The following GARIN3 variants were observed in gnomAD, a reference collection of about 807,000 sequenced individuals.
GARIN3 encodes golgi associated RAB2 interactor family member 3, also known as Golgi-associated RAB2 interactor protein 3.
chr5:157,164,856 A>AG, the GARIN3 span, among the ~76,000 whole-genome samples: 1 of 151,998 alleles, frequency 6.6e-6, no homozygotes, highest in African/African-American at 2.4e-5. Context: ...ACTAAAAAAA[A>AG]AAAAATTATA....
the GARIN3 span, among the ~76,000 whole-genome samples, chr5:157,164,411 C>T: frequency 1.3e-5 from 2 of 152,154 alleles, no homozygotes; most frequent in African/African-American, 4.8e-5. Context: ...CTTGGCCTCT[C>T]AAAGTGCTGG....
chr5:157,162,137 T>C, the GARIN3 span: 1 of 385,076 alleles, frequency 2.6e-6, no homozygotes, highest in South Asian at 3.7e-5. Flanking sequence ...AGTCTGTGGC[T>C]TTGACAGTCT....
chr5:157,164,982 G>A, the GARIN3 span, among the ~76,000 whole-genome samples: 2 of 152,154 alleles, frequency 1.3e-5, no homozygotes, highest in Non-Finnish European at 2.9e-5. Context: ...TCGTGCCATT[G>A]CACTCCAGCC....
the GARIN3 span, chr5:157,165,439 G>A: frequency 2.1e-6 from 3 of 1,445,866 alleles, no homozygotes; most frequent in Non-Finnish European, 1.8e-6. Flanking sequence ...TTGGTCCTGA[G>A]CCCTTGCACA....
At chr5:157,165,058 G>A in the GARIN3 span, among the ~76,000 whole-genome samples, 1,232 of 152,154 alleles carry the variant, frequency 8.1e-3, 14 homozygotes, top group African/African-American at 0.028. Context: ...GTCTCCAGTT[G>A]CACATTGGAG....
the GARIN3 span, chr5:157,162,239 T>C: frequency 7.1e-6 from 5 of 707,082 alleles, no homozygotes; most frequent in African/African-American, 7.2e-5. Flanking sequence ...GCCTGGAGGC[T>C]GGGGTCTCCA....
the GARIN3 span, chr5:157,163,339 A>G: frequency 2.7e-5 from 44 of 1,614,118 alleles, no homozygotes; most frequent in East Asian, 8.9e-4. Flanking sequence ...CGCTGTGGTC[A>G]CTTGACCTGG....
chr5:157,162,631 G>C, the GARIN3 span: 1 of 1,614,126 alleles, frequency 6.2e-7, no homozygotes, highest in Non-Finnish European at 8.5e-7. Context: ...TTTTGAACCA[G>C]GAGTGGCCCT....
At chr5:157,162,851 C>G in the GARIN3 span, 41 of 1,614,068 alleles carry the variant, frequency 2.5e-5, no homozygotes, top group Non-Finnish European at 3.4e-5. Context: ...TTTTTATGGC[C>G]AGATGCGGAC....
chr5:157,163,928 A>G, the GARIN3 span, among the ~76,000 whole-genome samples: 1 of 152,092 alleles, frequency 6.6e-6, no homozygotes, highest in Non-Finnish European at 1.5e-5. Flanking sequence ...AGGATGGCGC[A>G]TGCCTGTAAT....
the GARIN3 span, chr5:157,162,960 C>CTTCT: frequency 6.2e-7 from 1 of 1,614,138 alleles, no homozygotes; most frequent in Non-Finnish European, 8.5e-7. Flanking sequence ...GATGTCTGTC[C>CTTCT]TTCTTTTCTC....
At chr5:157,163,558 C>T in the GARIN3 span, 1 of 1,614,050 alleles carries the variant, frequency 6.2e-7, no homozygotes, top group African/African-American at 1.3e-5. Flanking sequence ...ATGTTGGATT[C>T]CCTCTCCCCC....
At chr5:157,163,207 A>G in the GARIN3 span, 24 of 1,613,972 alleles carry the variant, frequency 1.5e-5, no homozygotes, top group Admixed American at 3.5e-4. Flanking sequence ...AGTACCTTCC[A>G]AGGAGGTGCT....
chr5:157,162,237 G>A, the GARIN3 span: 3,730 of 692,758 alleles, frequency 5.4e-3, 12 homozygotes, highest in Non-Finnish European at 7.2e-3. Context: ...TTGCCTGGAG[G>A]CTGGGGTCTC....
chr5:157,165,979 G>A, the GARIN3 span: 1 of 1,614,146 alleles, frequency 6.2e-7, no homozygotes, highest in Non-Finnish European at 8.5e-7. Context: ...ACACGGTTGT[G>A]TACATCAATC....
At chr5:157,162,506 T>C in the GARIN3 span, 1 of 1,614,192 alleles carries the variant, frequency 6.2e-7, no homozygotes, top group South Asian at 1.1e-5. Flanking sequence ...ATAGTGCCAC[T>C]GATCATCTCC....
the GARIN3 span, chr5:157,163,214 T>C: frequency 6.2e-7 from 1 of 1,613,936 alleles, no homozygotes; most frequent in Non-Finnish European, 8.5e-7. Flanking sequence ...TCCAAGGAGG[T>C]GCTTGCAGCA....
At chr5:157,166,033 T>C in the GARIN3 span, 2 of 1,614,158 alleles carry the variant, frequency 1.2e-6, no homozygotes, top group Non-Finnish European at 1.7e-6. Context: ...CTCTCGAACA[T>C]TGGTGCATAC....
the GARIN3 span, chr5:157,166,249 TC>T: frequency 6.5e-7 from 1 of 1,533,924 alleles, no homozygotes; most frequent in Non-Finnish European, 8.8e-7. Context: ...ACTGCCCATC[TC>T]CCTACAGGAC....
Sources: allele counts gnomAD v4.1 joint callset (sites outside exome capture counted in the v4.1 genomes callset), GRCh38; gene constraint gnomAD v4.1.1; transcripts MANE v1.5; gene names NCBI Gene and HGNC (gene_info 2026-07-23, HGNC 2026-07-21).